Variants in WLS observed in about 807,000 individuals in gnomAD.
The protein encoded by WLS is protein wntless homolog.
A neutral mutation model predicts 62.8 loss-of-function variants in WLS; 23 were observed. The observed-to-expected ratio is 0.37, with a 90% CI of 0.26 to 0.52. The LOEUF (loss-of-function observed/expected upper bound fraction) is 0.52. WLS is among the 20% of genes least tolerant of loss of function. WLS has a pLI of 0.92. For synonymous variants in WLS, 246 were observed against 244.1 expected (o/e 1.01, Z -0.07); for missense variants, 615 against 697.3 (o/e 0.88, Z 1.33).
At chr1:68,161,576 C>T (rs928393633) in intron 2 of WLS, among the ~76,000 whole-genome samples, 3 of 152,208 alleles carry the variant, frequency 2.0e-5, no homozygotes, top group Non-Finnish European at 4.4e-5. Flanking sequence ...TCAGCGCTTC[C>T]GTAAGCAGAC....
intron 11 of WLS, among the ~76,000 whole-genome samples, chr1:68,112,817 A>G (rs904374354): frequency 6.6e-6 from 1 of 152,252 alleles, no homozygotes; most frequent in Non-Finnish European, 1.5e-5. Context: ...AGGCTCCTCT[A>G]CTTAAGAATC....
intron 11 of WLS, among the ~76,000 whole-genome samples, chr1:68,109,602 A>C (rs1435112380): frequency 1.3e-5 from 2 of 152,256 alleles, no homozygotes; most frequent in Non-Finnish European, 2.9e-5. Context: ...AACTTTTAGA[A>C]ATGAAAAATG....
intron 3 of WLS, among the ~76,000 whole-genome samples, chr1:68,156,128 G>T (rs931813518): frequency 6.6e-6 from 1 of 152,122 alleles, no homozygotes; most frequent in East Asian, 1.9e-4. Context: ...TACCTGCTGA[G>T]GGGTGGGGGC....
At chr1:68,225,421 A>G (rs1246942441) in intron 1 of WLS, among the ~76,000 whole-genome samples, 2 of 152,110 alleles carry the variant, frequency 1.3e-5, no homozygotes, top group East Asian at 3.9e-4. Flanking sequence ...GAGCTGGCAC[A>G]TTTATTAGGC....
intron 1 of WLS, among the ~76,000 whole-genome samples, chr1:68,213,352 G>T (rs982395116): frequency 6.6e-6 from 1 of 151,258 alleles, no homozygotes; most frequent in African/African-American, 2.4e-5. Flanking sequence ...TCAGGAGGCT[G>T]AGGCAGGAGA....
intron 1 of WLS, among the ~76,000 whole-genome samples, chr1:68,210,813 C>T (rs950474593): frequency 6.6e-6 from 1 of 152,248 alleles, no homozygotes; most frequent in Middle Eastern, 3.4e-3. Context: ...TGACACAAAC[C>T]AAGGGGAGGA....
At chr1:68,153,700 A>T (rs776860549) in intron 4 of WLS, 47 bp from the exon 5 acceptor site, 1 of 1,610,888 alleles carries the variant, frequency 6.2e-7, no homozygotes, top group South Asian at 1.1e-5. Flanking sequence ...TTATCTTAGC[A>T]TTTCCTTCTA....
intron 10 of WLS, among the ~76,000 whole-genome samples, chr1:68,140,571 A>G (rs1002035355): frequency 1.3e-5 from 2 of 152,338 alleles, no homozygotes; most frequent in Admixed American, 6.5e-5. Flanking sequence ...AGAGGCACAC[A>G]CCAAGCCTGA....
chr1:68,112,411 G>A (rs1023464369), intron 11 of WLS, among the ~76,000 whole-genome samples: 5 of 152,184 alleles, frequency 3.3e-5, no homozygotes, highest in African/African-American at 1.2e-4. Context: ...TCACGCTCTA[G>A]TTCTAAAGAA....
intron 1 of WLS, among the ~76,000 whole-genome samples, chr1:68,199,471 G>C (rs1000365411): frequency 3.9e-5 from 6 of 152,158 alleles, no homozygotes; most frequent in African/African-American, 1.4e-4. Context: ...GGCCAAGGAG[G>C]GAAGGTGCTG....
intron 11 of WLS, among the ~76,000 whole-genome samples, chr1:68,134,876 T>C (rs1646582842): frequency 6.6e-6 from 1 of 152,226 alleles, no homozygotes; most frequent in Non-Finnish European, 1.5e-5. Context: ...GAAGTCCTGA[T>C]GGGAGCTGCC....
At chr1:68,115,396 C>T (rs1019176396) in intron 11 of WLS, among the ~76,000 whole-genome samples, 2 of 152,216 alleles carry the variant, frequency 1.3e-5, no homozygotes, top group Admixed American at 6.5e-5. Context: ...ATTCGCCATT[C>T]TTCACGAGGC....
chr1:68,196,812 T>A (rs939414156), intron 1 of WLS, among the ~76,000 whole-genome samples: 31 of 152,112 alleles, frequency 2.0e-4, no homozygotes, highest in African/African-American at 6.8e-4. Context: ...ACCTCACATC[T>A]AATCCATCTA....
chr1:68,155,974 G>C (rs901058457), intron 3 of WLS, among the ~76,000 whole-genome samples: 2 of 152,190 alleles, frequency 1.3e-5, no homozygotes, highest in African/African-American at 4.8e-5. Context: ...ATTTAGCCCA[G>C]TGTCTAGGAA....
At position 68,137,801 on chromosome 1, in the gene WLS, A is replaced by G. The variant is rs749059713; in HGVS notation, c.1495T>C (p.Tyr499His). ...MFLYAPSHKN[Y>H]GEDQSNGDLG... ...TCACCATTGGACTGGTCTTCTCCATAGTTTTTATGGGATGGTGCATACAAG... is the reference window on the plus strand; with the variant it reads ...TCACCATTGGACTGGTCTTCTCCATGGTTTTTATGGGATGGTGCATACAAG... Residue 499 changes from tyrosine (Y) to histidine (H), a missense_variant, in exon 11 of 12, where the codon TAT (tyrosine) becomes CAT (histidine). Transcript: ENST00000262348. 1 of 1,613,848 alleles carries G rather than the reference A, an allele frequency of 6.2e-7. No homozygotes were observed. Among genetic ancestry groups the G allele is most frequent in the Non-Finnish European group, 8.5e-7 (1 of 1,179,812 alleles).
intron 6 of WLS, among the ~76,000 whole-genome samples, chr1:68,149,926 A>G (rs1387974722): frequency 6.6e-6 from 1 of 152,238 alleles, no homozygotes; most frequent in Non-Finnish European, 1.5e-5. Flanking sequence ...AACCCCATGC[A>G]GTAGGTCTTT....
intron 1 of WLS, among the ~76,000 whole-genome samples, chr1:68,226,167 G>T (rs1211152627): frequency 6.6e-6 from 1 of 152,110 alleles, no homozygotes; most frequent in Admixed American, 6.6e-5. Flanking sequence ...CAGTTTTAGT[G>T]CTATTCTCAT....
intron 11 of WLS, among the ~76,000 whole-genome samples, chr1:68,127,663 T>C (rs1252135100): frequency 6.6e-6 from 1 of 152,210 alleles, no homozygotes; most frequent in Non-Finnish European, 1.5e-5. Flanking sequence ...TTTTATATTG[T>C]GCACATATCA....
At chr1:68,218,960 T>C (rs1335895618) in intron 1 of WLS, among the ~76,000 whole-genome samples, 1 of 152,232 alleles carries the variant, frequency 6.6e-6, no homozygotes, top group Non-Finnish European at 1.5e-5. Flanking sequence ...CAAAGATTTG[T>C]TTTTCATCTT....
Sources: allele counts gnomAD v4.1 joint callset (sites outside exome capture counted in the v4.1 genomes callset), GRCh38; gene constraint gnomAD v4.1.1; transcripts MANE v1.5; gene names NCBI Gene and HGNC (gene_info 2026-07-23, HGNC 2026-07-21).